Variants in HOMER2 observed in about 807,000 individuals in gnomAD.
HOMER2 encodes homer scaffold protein 2.
HOMER2 carries 27 observed loss-of-function variants against 47.0 expected under a neutral mutation model. The observed-to-expected ratio is 0.57, with a 90% CI of 0.42 to 0.79. The LOEUF (loss-of-function observed/expected upper bound fraction) is 0.79. Ranked by LOEUF, HOMER2 falls within the 30% of genes least tolerant of loss-of-function variation. The pLI, the probability that HOMER2 is intolerant of heterozygous loss-of-function variation, is 0.00. For missense variants in HOMER2, 443 were observed against 435.0 expected (o/e 1.02, Z -0.16); for synonymous variants, 161 against 163.8 (o/e 0.98, Z 0.13).
In HOMER2 at chr15:82,854,791, G is replaced by A. The variant is rs781638307; in HGVS notation, c.504C>T (p.Asn168=). 18 of 1,608,886 alleles carry A rather than the reference G, an allele frequency of 1.1e-5. No individual in the cohort carries two copies. Among genetic ancestry groups the A allele is most frequent in the Admixed American group, 5.0e-5 (3 of 59,988 alleles). ...GCAGCTCGATCTCCCACTTCTTCAC[G>A]TTGGCTGCGCTGCAGGACAGGGACG... ...LKIALTQSAA[N]VKKWEIELQT... Residue 168 remains asparagine, a synonymous_variant, in exon 6 of 9, where the codon AAC becomes AAT. Transcript: ENST00000450735.
At position 82,901,589 on chromosome 15, in the gene HOMER2, A is replaced by G. The variant is rs143984023; in HGVS notation, c.6-8748T>C. Among the ~76,000 whole-genome samples the G allele has an allele frequency of 2.8e-3, 424 of 152,270 alleles. 1 individual carries two copies. The highest frequency in any genetic ancestry group is 9.8e-3 in the African/African-American group (406 of 41,552). On this transcript the variant is annotated intron_variant, in intron 1 of 8. Coordinates refer to ENST00000450735, the MANE Select transcript of HOMER2 (RefSeq NM_004839.4). ...GAGGAAACAGCTATTCAGGCACCAGAGGTGCACTCAAGAGATCAGCAAGGG... is the reference window on the plus strand; with the variant it reads ...GAGGAAACAGCTATTCAGGCACCAGGGGTGCACTCAAGAGATCAGCAAGGG...
chr15:82,926,938 T>C (rs1348654339), intron 1 of HOMER2, among the ~76,000 whole-genome samples: 2 of 152,188 alleles, frequency 1.3e-5, no homozygotes, highest in Admixed American at 6.5e-5. Flanking sequence ...TAAATTTCTG[T>C]TCATTACAAA....
Position 82,913,002 on chromosome 15 carries a change from A to AT in HOMER2, c.6-20162dup, listed in dbSNP as rs1420621850. 6.6e-6 allele frequency among the ~76,000 whole-genome samples: 1 copy of AT among 152,222 alleles called. No homozygotes were observed. Among genetic ancestry groups the AT allele is most frequent in the Non-Finnish European group, 1.5e-5 (1 of 68,042 alleles). ...TTTATTAACAGGAAAATTTTAAATAATGCTCTTAGAAATACTGAAAACACA... is the reference window on the plus strand; with the variant it reads ...TTTATTAACAGGAAAATTTTAAATAATTGCTCTTAGAAATACTGAAAACACA... On this transcript the variant is annotated intron_variant, in intron 1 of 8. Coordinates refer to ENST00000450735, the MANE Select transcript of HOMER2 (RefSeq NM_004839.4). This position sits in a 1 kb window ranked among gnomAD's most constrained non-coding sequence, Gnocchi z 4.1.
At chr15:82,839,178 C>T (rs1236582129) in exon 2 of HOMER2, 1 of 152,214 alleles carries the variant, frequency 6.6e-6, no homozygotes, top group Non-Finnish European at 1.5e-5. Context: ...TATAAAGCTA[C>T]ATTCTCCTGC....
At chr15:82,855,347 AAAG>A (rs2051548318) in intron 5 of HOMER2, among the ~76,000 whole-genome samples, 1 of 151,010 alleles carries the variant, frequency 6.6e-6, no homozygotes, top group Non-Finnish European at 1.5e-5. Context: ...AAAAAAAAAA[AAAG>A]AAAACACAAT....
chr15:82,880,715 C>A (rs928395117), intron 2 of HOMER2, among the ~76,000 whole-genome samples: 1 of 151,936 alleles, frequency 6.6e-6, no homozygotes, highest in African/African-American at 2.4e-5. Flanking sequence ...TGGGTTCTGG[C>A]GTCAGAGGAG....
At chr15:82,963,907 C>T (rs2054651743) in intron 1 of HOMER2, among the ~76,000 whole-genome samples, 1 of 152,166 alleles carries the variant, frequency 6.6e-6, no homozygotes, top group South Asian at 2.1e-4. Flanking sequence ...CTGCCAAAAG[C>T]CTTGGATGAT....
In HOMER2 at chr15:82,855,316, C is replaced by T. The variant is rs145448451; in HGVS notation, c.495-516G>A. Among the ~76,000 whole-genome samples the T allele has an allele frequency of 2.3e-3, 253 of 111,954 alleles. 5 individuals carry two copies. In the East Asian group the frequency reaches 0.065, roughly 29 times the overall value. The allele number at this position is 111,954 out of a possible 152,430, so 73.4% of individuals were successfully genotyped here. A position where few individuals can be genotyped will look rare whatever the true frequency, so the allele number is the denominator to read the frequency against. ...ACTCCGGCCTGGCGACAGAGCGAGACTCCATCTCCAAAAAAAAAAAAAAAA... is the reference window on the plus strand; with the variant it reads ...ACTCCGGCCTGGCGACAGAGCGAGATTCCATCTCCAAAAAAAAAAAAAAAA... On this transcript the variant is annotated intron_variant, in intron 5 of 8. Transcript: ENST00000450735.
intron 3 of HOMER2, among the ~76,000 whole-genome samples, chr15:82,869,165 A>G (rs2052094343): frequency 6.6e-6 from 1 of 152,088 alleles, no homozygotes; most frequent in Non-Finnish European, 1.5e-5. Context: ...CCACCTCAAT[A>G]AAGCTGTTTT....
At chr15:82,878,937 T>A (rs1189628088) in intron 2 of HOMER2, among the ~76,000 whole-genome samples, 1 of 152,250 alleles carries the variant, frequency 6.6e-6, no homozygotes, top group South Asian at 2.1e-4. Context: ...TGCACAATAT[T>A]TTTTACACTC....
intron 1 of HOMER2, among the ~76,000 whole-genome samples, chr15:82,972,883 T>C (rs1382628596): frequency 6.6e-6 from 1 of 152,148 alleles, no homozygotes; most frequent in African/African-American, 2.4e-5. Flanking sequence ...GAGCCCACAG[T>C]TCTACATGCT....
intron 1 of HOMER2, among the ~76,000 whole-genome samples, chr15:82,934,583 C>T (rs987143626): frequency 2.0e-5 from 3 of 152,210 alleles, no homozygotes; most frequent in Admixed American, 6.5e-5. Context: ...AGCCACCTCC[C>T]GGCCTCCCTT....
intron 1 of HOMER2, among the ~76,000 whole-genome samples, chr15:82,910,132 CAAAAAAAA>C (rs35191408): frequency 2.3e-4 from 5 of 22,140 alleles, no homozygotes; most frequent in Admixed American, 6.3e-4. Context: ...GATTCTGTCT[CAAAAAAAA>C]AAAAAAAAAA....
chr15:82,978,812 C>G (rs570334893), intron 1 of HOMER2, among the ~76,000 whole-genome samples: 22 of 152,294 alleles, frequency 1.4e-4, no homozygotes, highest in African/African-American at 5.3e-4. Context: ...CCTCTGCCTC[C>G]TGGGTTCAAG....
chr15:82,875,543 G>A, intron 2 of HOMER2, 139 bp from the exon 3 acceptor site: 2 of 827,240 alleles, frequency 2.4e-6, no homozygotes, highest in Middle Eastern at 3.2e-4. Flanking sequence ...GCGTTCTCCT[G>A]GAACAACCCA....
intron 2 of HOMER2, among the ~76,000 whole-genome samples, chr15:82,879,282 G>C (rs1470254218): frequency 6.6e-6 from 1 of 152,182 alleles, no homozygotes; most frequent in Non-Finnish European, 1.5e-5. Flanking sequence ...GATTGCTCGA[G>C]CCCAAGAGTT....
Position 82,864,156 on chromosome 15 carries a change from T to G in HOMER2, c.387+11A>C, listed in dbSNP as rs1216708276. On this transcript the variant is annotated intron_variant, in intron 4 of 8. Coordinates refer to ENST00000450735, the MANE Select transcript of HOMER2 (RefSeq NM_004839.4). ...CCCCACTGGGATTTACTTCATAGAC[T>G]AATGTCTTACTTGGGAATGATTACT... The G allele has an allele frequency of 1.3e-6, 2 of 1,577,924 alleles. No individual in the cohort carries two copies. The highest frequency in any genetic ancestry group is 1.7e-6 in the Non-Finnish European group (2 of 1,150,076).
chr15:82,962,094 G>T (rs1388592246), intron 1 of HOMER2, among the ~76,000 whole-genome samples: 1 of 151,830 alleles, frequency 6.6e-6, no homozygotes, highest in Non-Finnish European at 1.5e-5. Context: ...GTCCAGGCCG[G>T]GTGCGGTGAC....
At chr15:82,933,799 AG>A (rs778657892) in intron 1 of HOMER2, among the ~76,000 whole-genome samples, 27 of 152,118 alleles carry the variant, frequency 1.8e-4, no homozygotes, top group Non-Finnish European at 3.5e-4. Flanking sequence ...ACTCACAGGG[AG>A]CTCACCTTCC....
Sources: gnomAD v4.1 joint callset for allele counts (sites outside exome capture counted in the v4.1 genomes callset) on GRCh38, gnomAD v4.1.1 for gene constraint, Gnocchi (gnomAD v3.1) non-coding constraint, MANE v1.5 for transcripts, NCBI Gene and HGNC (gene_info 2026-07-23, HGNC 2026-07-21) for gene names.